Variants in KCNQ5 observed in about 807,000 individuals in gnomAD.
KCNQ5 encodes the protein potassium voltage-gated channel subfamily Q member 5, also known as potassium voltage-gated channel subfamily KQT member 5.
KCNQ5 carries 30 observed loss-of-function variants against 98.2 expected under a neutral mutation model. That is an observed-to-expected ratio of 0.31 (90% confidence interval 0.23 to 0.41). KCNQ5 has a LOEUF of 0.41. Among genes scored for constraint, KCNQ5 ranks in the 10% least tolerant of loss-of-function variants. The pLI is 1.00. For synonymous variants in KCNQ5, 458 were observed against 449.4 expected, an observed-to-expected ratio of 1.02 and a Z score of -0.24; for missense variants, 835 against 1,182.5, an observed-to-expected ratio of 0.71 and a Z score of 4.31.
intron 1 of KCNQ5, among the ~76,000 whole-genome samples, chr6:72,787,370 C>A (rs1192904064): frequency 6.6e-6 from 1 of 152,090 alleles, no homozygotes; most frequent in South Asian, 2.1e-4. Flanking sequence ...GACCATATGG[C>A]CCACAAAGCC....
chr6:72,711,899 A>G (rs1769389135), intron 1 of KCNQ5, among the ~76,000 whole-genome samples: 1 of 152,210 alleles, frequency 6.6e-6, no homozygotes, highest in Admixed American at 6.5e-5. Context: ...GCCATGCTGA[A>G]TTTGAGATGC....
At chr6:73,008,791 T>C (rs1769929655) in intron 2 of KCNQ5, among the ~76,000 whole-genome samples, 2 of 152,110 alleles carry the variant, frequency 1.3e-5, no homozygotes, top group African/African-American at 2.4e-5. Context: ...CTGTACCCAA[T>C]AACAATAACA....
chr6:73,001,347 A>G (rs1769559919), intron 1 of KCNQ5, among the ~76,000 whole-genome samples: 1 of 152,332 alleles, frequency 6.6e-6, no homozygotes, highest in South Asian at 2.1e-4. Context: ...TTTTTGGCAT[A>G]GGAATTATTT....
Position 72,909,380 on chromosome 6 carries a change from A to G in KCNQ5, c.399-94528A>G, listed in dbSNP as rs955607763. On this transcript the variant is annotated intron_variant, in intron 1 of 13. Transcript: ENST00000370398. ...ATTAAAGAGAAAATTTAATCAGAGGATAACGTGTGAAGAGTCCCCAAACTA... is the reference window on the plus strand; with the variant it reads ...ATTAAAGAGAAAATTTAATCAGAGGGTAACGTGTGAAGAGTCCCCAAACTA... Among the ~76,000 whole-genome samples the G allele has an allele frequency of 5.9e-5, 9 of 152,246 alleles. No homozygotes were observed. In the South Asian group the frequency reaches 1.7e-3, roughly 28 times the overall value.
chr6:72,731,109 A>G (rs1436721860), intron 1 of KCNQ5, among the ~76,000 whole-genome samples: 1 of 152,218 alleles, frequency 6.6e-6, no homozygotes, highest in Non-Finnish European at 1.5e-5. Context: ...CCCTGGCTCT[A>G]CCTCCAAATT....
At chr6:73,095,581 G>C (rs1430176690) in intron 5 of KCNQ5, among the ~76,000 whole-genome samples, 4 of 152,162 alleles carry the variant, frequency 2.6e-5, no homozygotes, top group Non-Finnish European at 5.9e-5. Context: ...AGGGCTGAAG[G>C]CTGTTGTTCA....
At chr6:72,948,681 G>T (rs1766658551) in intron 1 of KCNQ5, among the ~76,000 whole-genome samples, 1 of 151,900 alleles carries the variant, frequency 6.6e-6, no homozygotes, top group Admixed American at 6.6e-5. Flanking sequence ...CAGTATTTAG[G>T]TTATTTGTTG....
chr6:72,684,345 C>G (rs1767849108), intron 1 of KCNQ5, among the ~76,000 whole-genome samples: 1 of 152,100 alleles, frequency 6.6e-6, no homozygotes, highest in Non-Finnish European at 1.5e-5. Flanking sequence ...AAGGCACATC[C>G]ATGTAGTAGA....
chr6:73,061,730 G>T (rs535138984), intron 3 of KCNQ5, among the ~76,000 whole-genome samples: 1 of 152,056 alleles, frequency 6.6e-6, no homozygotes, highest in African/African-American at 2.4e-5. Context: ...AATTTTAGTT[G>T]TAACTTTTCA....
At chr6:72,693,164 A>G (rs918778758) in intron 1 of KCNQ5, among the ~76,000 whole-genome samples, 7 of 152,146 alleles carry the variant, frequency 4.6e-5, no homozygotes, top group African/African-American at 1.7e-4. Flanking sequence ...ACCCAAAGGA[A>G]GCATGTGGAA....
intron 1 of KCNQ5, among the ~76,000 whole-genome samples, chr6:72,887,339 C>T (rs1008373824): frequency 7.2e-5 from 11 of 151,956 alleles, no homozygotes; most frequent in Admixed American, 3.3e-4. Flanking sequence ...TTTTGAAAAC[C>T]ATCAGGTCTC....
At chr6:73,162,207 G>A (rs958353023) in intron 10 of KCNQ5, among the ~76,000 whole-genome samples, 3 of 152,010 alleles carry the variant, frequency 2.0e-5, no homozygotes, top group Non-Finnish European at 1.5e-5. Context: ...GATTACAGGC[G>A]TGAGCTGCCG....
chr6:72,666,542 TA>T (rs535344855), intron 1 of KCNQ5, among the ~76,000 whole-genome samples: 26 of 152,304 alleles, frequency 1.7e-4, no homozygotes, highest in Middle Eastern at 3.5e-3. Context: ...TCTGTGCCTT[TA>T]AAAAATTATT....
intron 1 of KCNQ5, among the ~76,000 whole-genome samples, chr6:72,856,703 T>TA (rs1330898242): frequency 6.6e-6 from 1 of 152,220 alleles, no homozygotes; most frequent in East Asian, 1.9e-4. Context: ...AATAATTCTT[T>TA]AAAAAATTAT....
At chr6:72,897,800 G>A (rs1294623072) in intron 1 of KCNQ5, among the ~76,000 whole-genome samples, 1 of 152,118 alleles carries the variant, frequency 6.6e-6, no homozygotes, top group Non-Finnish European at 1.5e-5. Context: ...TTGGGGATGG[G>A]GGCCAGTGGA....
At chr6:72,868,752 C>T (rs891171104) in intron 1 of KCNQ5, among the ~76,000 whole-genome samples, 8 of 152,110 alleles carry the variant, frequency 5.3e-5, no homozygotes, top group African/African-American at 1.7e-4. Context: ...GCTCCCATAA[C>T]GAGATGGTGT....
chr6:72,784,030 A>T (rs757182254), intron 1 of KCNQ5, among the ~76,000 whole-genome samples: 1 of 152,204 alleles, frequency 6.6e-6, no homozygotes, highest in Non-Finnish European at 1.5e-5. Context: ...TGGAGGTAAC[A>T]TTCACATTCC....
chr6:72,930,579 CAA>C (rs5877339), intron 1 of KCNQ5, among the ~76,000 whole-genome samples: 40 of 94,194 alleles, frequency 4.2e-4, no homozygotes, highest in Middle Eastern at 6.3e-3. Context: ...GACATTTTAC[CAA>C]AAAAAAAAAA....
At chr6:72,914,676 G>A (rs1370512010) in intron 1 of KCNQ5, among the ~76,000 whole-genome samples, 1 of 151,482 alleles carries the variant, frequency 6.6e-6, no homozygotes, top group East Asian at 1.9e-4. Flanking sequence ...GACAAAAGAA[G>A]CATCGAGCCC....
Sources: allele counts gnomAD v4.1 joint callset (sites outside exome capture counted in the v4.1 genomes callset), GRCh38; gene constraint gnomAD v4.1.1; transcripts MANE v1.5; gene names NCBI Gene and HGNC (gene_info 2026-07-23, HGNC 2026-07-21).